CYP2U1: variants seen among roughly 807,000 people sequenced by gnomAD.
CYP2U1 encodes the protein cytochrome P450 family 2 subfamily U member 1, also known as cytochrome P450 2U1.
Under a neutral mutation model 42.8 loss-of-function variants are expected in CYP2U1, and 28 were observed. The observed-to-expected ratio is 0.65, with a 90% CI of 0.48 to 0.90. The LOEUF is 0.90. Ranked by LOEUF, CYP2U1 falls within the 40% of genes least tolerant of loss-of-function variation. CYP2U1 has a pLI of 0.00. For synonymous variants in CYP2U1, 296 were observed against 278.9 expected (o/e 1.06, Z -0.61); for missense variants, 642 against 693.8 (o/e 0.93, Z 0.84).
intron 1 of CYP2U1, among the ~76,000 whole-genome samples, chr4:107,934,142 T>G (rs190829268): frequency 2.0e-5 from 3 of 151,282 alleles, no homozygotes; most frequent in African/African-American, 7.3e-5. Flanking sequence ...CCCACAGGGG[T>G]CCCAATTTCT....
intron 1 of CYP2U1, among the ~76,000 whole-genome samples, chr4:107,943,291 T>C (rs1211056238): frequency 6.6e-6 from 1 of 152,228 alleles, no homozygotes; most frequent in African/African-American, 2.4e-5. Flanking sequence ...TAAACTGCAA[T>C]GTCTAGTCAT....
At chr4:107,936,885 C>T (rs1224421732) in intron 1 of CYP2U1, among the ~76,000 whole-genome samples, 1 of 152,142 alleles carries the variant, frequency 6.6e-6, no homozygotes, top group Non-Finnish European at 1.5e-5. Flanking sequence ...CCGTATTATG[C>T]AGTATTCCAC....
chr4:107,952,841 A>G lies in CYP2U1; in HGVS notation c.*2418A>G, dbSNP rs1435309609. The G allele has an allele frequency of 1.3e-5, 2 of 152,346 alleles. No homozygotes were observed. The highest frequency in any genetic ancestry group is 6.5e-5 in the Admixed American group (1 of 15,304). 9.4% of individuals were successfully genotyped at this position (152,346 alleles called of 1,614,324 possible). ...TTTGACTCTACATTCTTTATCTACC[A>G]TACTGCTCTTTTCCTTTTTAGAAAT... On this transcript the variant is annotated 3_prime_UTR_variant, in exon 5 of 5. Coordinates refer to ENST00000332884, the MANE Select transcript of CYP2U1 (RefSeq NM_183075.3).
intron 1 of CYP2U1, chr4:107,936,351 G>C (rs1578715626): frequency 6.6e-6 from 1 of 152,208 alleles, no homozygotes; most frequent in Admixed American, 6.5e-5. Context: ...AGATGACTAG[G>C]TCATGAGGGC....
chr4:107,940,038 C>CACT (rs1553936979), intron 1 of CYP2U1: 2 of 151,896 alleles, frequency 1.3e-5, no homozygotes, highest in Non-Finnish European at 2.9e-5. Context: ...TACCCCTACT[C>CACT]TAAGTGGCAA....
At chr4:107,932,789 A>G (rs1049269453) in intron 1 of CYP2U1, among the ~76,000 whole-genome samples, 4 of 152,096 alleles carry the variant, frequency 2.6e-5, no homozygotes, top group African/African-American at 9.7e-5. Context: ...TTTCTGAGTC[A>G]CTCCTACGCA....
At chr4:107,948,261 C>CAA (rs35791632) in intron 3 of CYP2U1, among the ~76,000 whole-genome samples, 106 of 95,408 alleles carry the variant, frequency 1.1e-3, no homozygotes, top group African/African-American at 3.1e-3. Flanking sequence ...GCCTCTGTCT[C>CAA]AAAAAAAAAA....
At chr4:107,941,683 G>T (rs1250658223) in intron 1 of CYP2U1, among the ~76,000 whole-genome samples, 2 of 151,654 alleles carry the variant, frequency 1.3e-5, no homozygotes, top group Admixed American at 1.3e-4. Context: ...TGCAGCTAGA[G>T]TAGTACCCAG....
rs1385366553 is a variant in CYP2U1, at chr4:107,950,782, A to G, written c.*359A>G. 4 of 174,904 alleles carry G rather than the reference A, an allele frequency of 2.3e-5. No individual in the cohort carries two copies. The highest frequency in any genetic ancestry group is 2.4e-5 in the Non-Finnish European group (2 of 82,618). The allele number at this position is 174,904 out of a possible 1,614,324, so 10.8% of individuals were successfully genotyped here. A position where few individuals can be genotyped will look rare whatever the true frequency, so the allele number is the denominator to read the frequency against. On this transcript the variant is annotated 3_prime_UTR_variant, in exon 5 of 5. Coordinates refer to ENST00000332884, the MANE Select transcript of CYP2U1 (RefSeq NM_183075.3). The stretch of plus-strand genomic sequence containing the variant: ...GAGTAATAAAACTTGGCTTCTCTCT[A>G]CCTCTCAGCACTAATGATGGTCAAA...
chr4:107,940,301 G>T (rs1358060864), intron 1 of CYP2U1: 2 of 151,668 alleles, frequency 1.3e-5, no homozygotes, highest in African/African-American at 4.8e-5. Flanking sequence ...TGCCAAGGTG[G>T]TCTGAAACTC....
intron 1 of CYP2U1, 182 bp downstream of exon 1, chr4:107,932,315 C>T: frequency 1.5e-6 from 1 of 671,208 alleles, no homozygotes; most frequent in African/African-American, 2.0e-5. Context: ...CTTTAAGATC[C>T]CATCAAGTAG....
chr4:107,935,047 T>A (rs1733208119), intron 1 of CYP2U1, among the ~76,000 whole-genome samples: 1 of 152,254 alleles, frequency 6.6e-6, no homozygotes, highest in South Asian at 2.1e-4. Context: ...AAAAGATGAA[T>A]GAATTCGTGC....
rs1560701200 is a variant in CYP2U1, at chr4:107,945,374, A to T, written c.895A>T (p.Lys299Ter). ...TGAAAAGGATATAACCAGTTTCCTT[A>T]AAAAAATCATCAAAGACCATCAAGA... ...QIEKDITSFL[K>*]KIIKDHQESL... Residue 299 changes from lysine to a stop codon, truncating the protein, a stop_gained, in exon 2 of 5, where the codon AAA (lysine) becomes TAA (stop). Transcript: ENST00000332884. LOFTEE classifies it high-confidence loss of function. The T allele has an allele frequency of 6.2e-7, 1 of 1,614,088 alleles. No individual in the cohort carries two copies.
At position 107,945,337 on chromosome 4, in the gene CYP2U1, A is replaced by G. The variant is rs1733659803; in HGVS notation, c.858A>G (p.Glu286=). 6.2e-7 allele frequency: 1 copy of G among 1,614,012 alleles called. No individual in the cohort carries two copies. The highest frequency in any genetic ancestry group is 1.3e-5 in the African/African-American group (1 of 74,904). ...LYYLPFGPFK[E]LRQIEKDITS... ...ACCTTCCCTTTGGACCATTTAAGGA[A>G]TTAAGACAAATTGAAAAGGATATAA... The change falls in exon 2 of 5, where the codon GAA becomes GAG. Residue 286 remains glutamate (E), a synonymous_variant. Coordinates refer to ENST00000332884, the MANE Select transcript of CYP2U1 (RefSeq NM_183075.3).
At chr4:107,939,382 A>G (rs957519129) in intron 1 of CYP2U1, among the ~76,000 whole-genome samples, 1 of 152,196 alleles carries the variant, frequency 6.6e-6, no homozygotes, top group Non-Finnish European at 1.5e-5. Flanking sequence ...ACAAAAGGAG[A>G]GTTCTGGTTT....
At chr4:107,939,843 G>A (rs573825298) in intron 1 of CYP2U1, among the ~76,000 whole-genome samples, 12 of 152,176 alleles carry the variant, frequency 7.9e-5, no homozygotes, top group South Asian at 4.2e-4. Context: ...GCTGGGGGAT[G>A]GGGGGTGGGG....
chr4:107,940,612 T>G (rs771820255), intron 1 of CYP2U1: 7 of 102,776 alleles, frequency 6.8e-5, no homozygotes, highest in South Asian at 2.4e-4. Flanking sequence ...AACATTTTGG[T>G]TTTTTTTTCA....
At chr4:107,943,608 C>T (rs1483609952) in intron 1 of CYP2U1, among the ~76,000 whole-genome samples, 2 of 152,172 alleles carry the variant, frequency 1.3e-5, no homozygotes, top group Non-Finnish European at 1.5e-5. Flanking sequence ...TTTGAGCAGA[C>T]ATTTGGAAGA....
intron 1 of CYP2U1, among the ~76,000 whole-genome samples, chr4:107,933,222 T>G (rs1733111075): frequency 6.6e-6 from 1 of 152,188 alleles, no homozygotes; most frequent in African/African-American, 2.4e-5. Flanking sequence ...AGTCTCAGTT[T>G]TGCAAGATGA....
Sources: gnomAD v4.1 joint callset for allele counts (sites outside exome capture counted in the v4.1 genomes callset) on GRCh38, gnomAD v4.1.1 for gene constraint, MANE v1.5 for transcripts, NCBI Gene and HGNC (gene_info 2026-07-23, HGNC 2026-07-21) for gene names.